GPSM1: variants seen among roughly 807,000 people sequenced by gnomAD.
GPSM1 encodes G protein-signaling modulator 1.
In GPSM1, 48 loss-of-function variants were observed where a neutral mutation model predicts 70.5. That is an observed-to-expected ratio of 0.68 (90% CI 0.54 to 0.87). The LOEUF is 0.87. GPSM1 is among the 40% of genes least tolerant of loss of function. The pLI is 0.00. For synonymous variants in GPSM1, 416 were observed against 430.1 expected (o/e 0.97, Z 0.41); for missense variants, 981 against 972.6 (o/e 1.01, Z -0.11).
rs1554769379 is a variant in GPSM1 at position 136,337,056 on chromosome 9, G to A, written c.562G>A (p.Ala188Thr). ...PPDVRETLCK[A>T]SEFYERNLSL... ...CGATGTCCGAGAGACCCTGTGCAAGGCCTCCGAGTTCTACGAGTGAGTGGG... is the reference window on the plus strand; with the variant it reads ...CGATGTCCGAGAGACCCTGTGCAAGACCTCCGAGTTCTACGAGTGAGTGGG... The change falls in exon 4 of 14, where the codon GCC becomes ACC. Residue 188 changes from alanine to threonine, a missense_variant. By Grantham distance (58) the Ala-to-Thr change is moderately conservative. Coordinates refer to ENST00000440944, the MANE Select transcript of GPSM1 (RefSeq NM_001145638.3). The A allele has an allele frequency of 6.4e-7, 1 of 1,551,606 alleles. No individual in the cohort carries two copies. The highest frequency in any genetic ancestry group is 2.0e-5 in the Admixed American group (1 of 51,114).
rs782264054 is a variant in GPSM1, at chr9:136,349,656, G to A, written c.1348G>A (p.Val450Met). Residue 450 changes from valine (V) to methionine (M), a missense_variant, in exon 11 of 14, where the codon GTG becomes ATG. Val to Met is a conservative substitution (Grantham distance 21). Coordinates refer to ENST00000440944, the MANE Select transcript of GPSM1 (RefSeq NM_001145638.3). ...CAGCAGGGACTCGCTACCCCTCCCC[G>A]TGAGGAGCAGGAAGTACCAGGAAGG... Reference protein sequence around the residue: ...GPSRDSLPLPVRSRKYQEGPD... With the variant: ...GPSRDSLPLPMRSRKYQEGPD... 38 of 1,550,494 alleles carry A rather than the reference G, an allele frequency of 2.5e-5. No individual in the cohort carries two copies. Among genetic ancestry groups the A allele is most frequent in the Middle Eastern group, 1.8e-4 (1 of 5,698 alleles).
At chr9:136,352,413 G>A (rs1832696703) in intron 11 of GPSM1, among the ~76,000 whole-genome samples, 1 of 152,272 alleles carries the variant, frequency 6.6e-6, no homozygotes, top group Non-Finnish European at 1.5e-5. Flanking sequence ...TCGGGGCTTT[G>A]GGATCTGAGG....
At position 136,358,442 on chromosome 9, in the gene GPSM1, GC is replaced by G; in HGVS notation, c.*226del. 1.8e-6 allele frequency: 1 copy of G among 568,322 alleles called. No homozygotes were observed. The highest frequency in any genetic ancestry group is 3.1e-6 in the Non-Finnish European group (1 of 326,628). 35.2% of individuals were successfully genotyped at this position (568,322 alleles called of 1,614,324 possible). On this transcript the variant is annotated 3_prime_UTR_variant, in exon 14 of 14. Coordinates refer to ENST00000440944, the MANE Select transcript of GPSM1 (RefSeq NM_001145638.3). ...CATGGCCCTCAGCTTCCTCCCTTCT[GC>G]CCCTGCCGCAGGCCGGACGGGGCCT... is the stretch of plus-strand genomic sequence containing the variant.
chr9:136,337,482 C>A lies in GPSM1; in HGVS notation c.620C>A (p.Ala207Glu). 2 of 1,567,128 alleles carry A rather than the reference C, an allele frequency of 1.3e-6. No individual in the cohort carries two copies. Among genetic ancestry groups the A allele is most frequent in the Admixed American group, 1.9e-5 (1 of 52,082 alleles). Residue 207 changes from alanine (A) to glutamate (E), a missense_variant, in exon 5 of 14, where the codon GCG becomes GAG. Transcript: ENST00000440944. ...GTGAAGGAGCTGGGCGACCGTGCGG[C>A]GCAGGGCAGGGCCTACGGCAACCTG... is the stretch of plus-strand genomic sequence containing the variant. Reference protein sequence around the residue: ...SLVKELGDRAAQGRAYGNLGN... With the variant: ...SLVKELGDRAEQGRAYGNLGN...
chr9:136,331,447 G>A (rs1473697059), intron 1 of GPSM1, among the ~76,000 whole-genome samples: 1 of 152,060 alleles, frequency 6.6e-6, no homozygotes, highest in Non-Finnish European at 1.5e-5. Context: ...GTCGGGTGGA[G>A]CAGAGGAGGC....
chr9:136,328,025 C>T (rs1554768143), intron 1 of GPSM1, among the ~76,000 whole-genome samples: 1 of 152,162 alleles, frequency 6.6e-6, no homozygotes, highest in Non-Finnish European at 1.5e-5. Flanking sequence ...TCTCCAGCCT[C>T]ACTCCCCTGG....
chr9:136,357,976 G>A lies in GPSM1; in HGVS notation c.1822-38G>A, dbSNP rs375876301. The A allele has an allele frequency of 5.1e-5, 77 of 1,512,714 alleles. No individual in the cohort carries two copies. In the African/African-American group the frequency reaches 8.9e-4, roughly 18 times the overall value. 93.7% of individuals were successfully genotyped at this position (1,512,714 alleles called of 1,614,324 possible). A position where few individuals can be genotyped will look rare whatever the true frequency, so the allele number is the denominator to read the frequency against. On this transcript the variant is annotated intron_variant, in intron 13 of 13. Coordinates refer to ENST00000440944, the MANE Select transcript of GPSM1 (RefSeq NM_001145638.3). ...TGACCAGCCCCGGACCACTGGGGCT[G>A]GGGGGGTGAGGCCGCCAACTGCACT...
chr9:136,331,395 C>T (rs1038670257), intron 1 of GPSM1, among the ~76,000 whole-genome samples: 12 of 150,742 alleles, frequency 8.0e-5, no homozygotes, highest in East Asian at 3.9e-4. Flanking sequence ...ATGCTGGCAC[C>T]GTGGGCTGGT....
chr9:136,327,803 AC>A (rs1451287102), intron 1 of GPSM1, 40 bp downstream of exon 1: 1 of 864,938 alleles, frequency 1.2e-6, no homozygotes, highest in Admixed American at 4.7e-5. Flanking sequence ...CGGGGCTGGG[AC>A]CGGACCGGGC....
chr9:136,327,880 C>A (rs1334778413), intron 1 of GPSM1, 117 bp downstream of exon 1: 3 of 262,518 alleles, frequency 1.1e-5, no homozygotes, highest in East Asian at 9.8e-5. Flanking sequence ...CGCAGCGTGG[C>A]TGAGGACGCG....
chr9:136,354,805 G>A (rs1554772699), intron 11 of GPSM1: 7 of 987,704 alleles, frequency 7.1e-6, no homozygotes, highest in Non-Finnish European at 8.4e-6. Context: ...ACACCGGTGA[G>A]GGCTGTGTAG....
chr9:136,331,364 GC>G (rs33950584), intron 1 of GPSM1, among the ~76,000 whole-genome samples: 2,723 of 126,260 alleles, frequency 0.022, 91 homozygotes, highest in Middle Eastern at 0.1. Flanking sequence ...AGGACTCTGA[GC>G]CCCCCCCCCC....
In GPSM1 at chr9:136,358,362, G is replaced by A; in HGVS notation, c.*142G>A. The A allele has an allele frequency of 1.3e-6, 1 of 790,706 alleles. No homozygotes were observed. The highest frequency in any genetic ancestry group is 2.0e-6 in the Non-Finnish European group (1 of 504,016). The allele number at this position is 790,706 out of a possible 1,614,324, so 49.0% of individuals were successfully genotyped here. ...CGGCCTCCCCGACCCAGGGCGACAG[G>A]CTCAGGCCAAGCTGCCCGTGGTGGG... is the stretch of plus-strand genomic sequence containing the variant. On this transcript the variant is annotated 3_prime_UTR_variant, in exon 14 of 14. Transcript: ENST00000440944.
In GPSM1 at chr9:136,356,503, C is replaced by A. The variant is rs112449667; in HGVS notation, c.1774C>A (p.Pro592Thr). The A allele has an allele frequency of 1.6e-4, 253 of 1,611,914 alleles. No homozygotes were observed. The highest frequency in any genetic ancestry group is 2.0e-4 in the Non-Finnish European group (232 of 1,179,314). The change falls in exon 13 of 14, where the codon CCC (proline) becomes ACC (threonine). Residue 592 changes from proline to threonine, a missense_variant. Coordinates refer to ENST00000440944, the MANE Select transcript of GPSM1 (RefSeq NM_001145638.3). ...AGGGCACCTCCGAGGCCACGGCGAG[C>A]CCCAGGAGCCGGGGGACGACTTCTT... ...NAGHLRGHGE[P>T]QEPGDDFFNM... is the part of the protein sequence containing the mutation.
chr9:136,347,336 C>T (rs1384923407), intron 9 of GPSM1, among the ~76,000 whole-genome samples: 3 of 152,010 alleles, frequency 2.0e-5, no homozygotes, highest in African/African-American at 7.3e-5. Context: ...ACTGGGTGTG[C>T]GCAGGGCTCC....
rs1421856106 is a variant in GPSM1, at chr9:136,359,443, C to T, written c.*1223C>T. The T allele has an allele frequency of 1.3e-5, 2 of 152,278 alleles. No individual in the cohort carries two copies. The highest frequency in any genetic ancestry group is 1.5e-5 in the Non-Finnish European group (1 of 68,038). The allele number at this position is 152,278 out of a possible 1,614,324, so 9.4% of individuals were successfully genotyped here. The stretch of plus-strand genomic sequence containing the variant: ...GCACCCGAGAGCAGGGACAGGTGCC[C>T]GAACACAGGGTCTCCAGGACGTAGC... On this transcript the variant is annotated 3_prime_UTR_variant, in exon 14 of 14. Coordinates refer to ENST00000440944, the MANE Select transcript of GPSM1 (RefSeq NM_001145638.3).
chr9:136,347,534 T>C (rs1367863736), intron 9 of GPSM1, among the ~76,000 whole-genome samples: 1 of 152,124 alleles, frequency 6.6e-6, no homozygotes, highest in Non-Finnish European at 1.5e-5. Context: ...GGGTCCTCAG[T>C]GTCAGCCTCG....
Position 136,337,783 on chromosome 9 carries a change from G to C in GPSM1, c.703-63G>C. 5 of 1,316,414 alleles carry C rather than the reference G, an allele frequency of 3.8e-6. No individual in the cohort carries two copies. In the Admixed American group the frequency reaches 8.9e-5, roughly 23 times the overall value. 81.5% of individuals were successfully genotyped at this position (1,316,414 alleles called of 1,614,324 possible). ...CCACCTGGGCAGGGAGGCAGCCCCT[G>C]TCCGCCCACGTCAGGCCCCGGGGCT... On this transcript the variant is annotated intron_variant, in intron 5 of 13. Coordinates refer to ENST00000440944, the MANE Select transcript of GPSM1 (RefSeq NM_001145638.3).
chr9:136,336,249 C>T, intron 3 of GPSM1, 148 bp downstream of exon 3: 1 of 978,396 alleles, frequency 1.0e-6, no homozygotes, highest in East Asian at 2.6e-5. Flanking sequence ...TCCCGAGTGA[C>T]TCAGGAGAGT....
Sources: allele counts gnomAD v4.1 joint callset (sites outside exome capture counted in the v4.1 genomes callset), GRCh38; gene constraint gnomAD v4.1.1; transcripts MANE v1.5; gene names NCBI Gene and HGNC (gene_info 2026-07-23, HGNC 2026-07-21).